The following ICOS variants were observed in gnomAD, a reference collection of about 807,000 sequenced individuals.
ICOS encodes inducible T cell costimulator.
A neutral mutation model predicts 24.6 loss-of-function variants in ICOS; 15 were observed. The observed-to-expected ratio is 0.61, with a 90% CI of 0.41 to 0.94. ICOS has a LOEUF of 0.94. ICOS is among the 40% of genes least tolerant of loss of function. The probability of loss-of-function intolerance (pLI) is 0.00; values close to 1 mark genes in which losing one functional copy is unlikely to be tolerated. For synonymous variants in ICOS, 89 were observed against 77.5 expected, an observed-to-expected ratio of 1.15 and a Z score of -0.78; for missense variants, 200 against 233.0, an observed-to-expected ratio of 0.86 and a Z score of 0.92.
At chr2:203,946,693 G>A (rs1689875775) in intron 1 of ICOS, among the ~76,000 whole-genome samples, 1 of 152,084 alleles carries the variant, frequency 6.6e-6, no homozygotes, top group African/African-American at 2.4e-5. Context: ...GAATTTCTTA[G>A]TAAAACATCA....
At chr2:203,945,530 C>T (rs577289817) in intron 1 of ICOS, among the ~76,000 whole-genome samples, 13 of 152,210 alleles carry the variant, frequency 8.5e-5, no homozygotes, top group African/African-American at 1.2e-4. Flanking sequence ...AGCGTACTGA[C>T]GCAATGATGT....
intron 1 of ICOS, among the ~76,000 whole-genome samples, chr2:203,942,918 C>G (rs1251315815): frequency 6.6e-6 from 1 of 152,148 alleles, no homozygotes; most frequent in Non-Finnish European, 1.5e-5. Flanking sequence ...CTCTGAATTT[C>G]TTTCTTCTAG....
At chr2:203,949,451 T>C (rs1193864165) in intron 1 of ICOS, among the ~76,000 whole-genome samples, 1 of 152,224 alleles carries the variant, frequency 6.6e-6, no homozygotes, top group East Asian at 1.9e-4. Context: ...TTCAGTTGTC[T>C]GTATGTACAC....
In ICOS at chr2:203,959,693, T is replaced by A; in HGVS notation, c.*94T>A. The stretch of plus-strand genomic sequence containing the variant: ...CTTATTTCCGGGACCACGGAGAGTC[T>A]GACTTAACTACATACATCTTCTGCT... On this transcript the variant is annotated 3_prime_UTR_variant, in exon 5 of 5. Transcript: ENST00000316386. The A allele has an allele frequency of 9.1e-7, 1 of 1,095,544 alleles. No individual in the cohort carries two copies. Among genetic ancestry groups the A allele is most frequent in the South Asian group, 1.2e-5 (1 of 80,166 alleles). 67.9% of individuals were successfully genotyped at this position (1,095,544 alleles called of 1,614,324 possible).
chr2:203,957,920 T>G, intron 4 of ICOS, 37 bp downstream of exon 4: 1 of 1,300,844 alleles, frequency 7.7e-7, no homozygotes, highest in Non-Finnish European at 1.1e-6. Flanking sequence ...AGGGAAGAGG[T>G]TTCTTCACAG....
chr2:203,940,670 A>C (rs1294216745), intron 1 of ICOS, among the ~76,000 whole-genome samples: 1 of 152,122 alleles, frequency 6.6e-6, no homozygotes, highest in South Asian at 2.1e-4. Flanking sequence ...TTTGTAAAAA[A>C]AAAAAAAACT....
In ICOS at chr2:203,947,763, G is replaced by A. The variant is rs80303378; in HGVS notation, c.59-7873G>A. Among the ~76,000 whole-genome samples, 1,201 of 152,154 alleles carry A rather than the reference G, an allele frequency of 7.9e-3. 5 individuals are homozygous for A. The highest frequency in any genetic ancestry group is 0.037 in the Middle Eastern group (11 of 294). ...TTCCAATAAAAAGTAAACAGATATG[G>A]TAGCAAAACAAAACCTCATGTTTAA... On this transcript the variant is annotated intron_variant, in intron 1 of 4. Transcript: ENST00000316386.
At chr2:203,944,927 T>A (rs1407344737) in intron 1 of ICOS, among the ~76,000 whole-genome samples, 1 of 152,184 alleles carries the variant, frequency 6.6e-6, no homozygotes, top group African/African-American at 2.4e-5. Flanking sequence ...ATATTTTAGT[T>A]CATGGTAACA....
intron 3 of ICOS, among the ~76,000 whole-genome samples, chr2:203,957,119 A>G (rs11571314): frequency 0.29 from 44,603 of 152,002 alleles, 7,151 homozygotes; most frequent in African/African-American, 0.41. Flanking sequence ...ATTATTATGC[A>G]TGGGCTGCGA....
chr2:203,955,912 C>A lies in ICOS; in HGVS notation c.335C>A (p.Ser112Ter). ...GCCAACTATTACTTCTGCAACCTAT[C>A]AATTTTTGATCCTCCTCCTTTTAAA... The part of the protein sequence containing the change: ...SHANYYFCNL[S>*]IFDPPPFKVT... The change falls in exon 2 of 5, where the codon TCA (serine) becomes TAA (stop). Residue 112 changes from serine to a stop codon, truncating the protein, a stop_gained. Transcript: ENST00000316386. LOFTEE classifies it high-confidence loss of function. 1 of 1,613,096 alleles carries A rather than the reference C, an allele frequency of 6.2e-7. No homozygotes were observed. The highest frequency in any genetic ancestry group is 1.1e-5 in the South Asian group (1 of 91,032).
intron 1 of ICOS, among the ~76,000 whole-genome samples, chr2:203,950,329 T>A (rs1202983181): frequency 1.3e-5 from 2 of 152,164 alleles, no homozygotes; most frequent in Non-Finnish European, 2.9e-5. Flanking sequence ...AGACAGCCAA[T>A]CTGGCTGTTT....
chr2:203,939,276 T>C (rs1689721232), intron 1 of ICOS, among the ~76,000 whole-genome samples: 1 of 152,214 alleles, frequency 6.6e-6, no homozygotes, highest in Non-Finnish European at 1.5e-5. Flanking sequence ...TCAATGATTC[T>C]GATCACCTTT....
chr2:203,953,067 A>T (rs1559035206), intron 1 of ICOS, among the ~76,000 whole-genome samples: 1 of 152,192 alleles, frequency 6.6e-6, no homozygotes, highest in Non-Finnish European at 1.5e-5. Context: ...AGGTTTTCTA[A>T]CCATTGAAGT....
chr2:203,939,058 T>C (rs1559031703), intron 1 of ICOS, among the ~76,000 whole-genome samples: 1 of 152,226 alleles, frequency 6.6e-6, no homozygotes, highest in Non-Finnish European at 1.5e-5. Flanking sequence ...CCAATTTACA[T>C]AGGCTTTCTC....
At position 203,961,389 on chromosome 2, in the gene ICOS, C is replaced by A; in HGVS notation, c.*1790C>A. 1 of 173,108 alleles carries A rather than the reference C, an allele frequency of 5.8e-6. No individual in the cohort carries two copies. The highest frequency in any genetic ancestry group is 1.3e-4 in the East Asian group (1 of 7,634). The allele number at this position is 173,108 out of a possible 1,614,324, so 10.7% of individuals were successfully genotyped here. A position where few individuals can be genotyped will look rare whatever the true frequency, so the allele number is the denominator to read the frequency against. ...GGGGAGGAGAACCTTCATGGTGGCC[C>A]ACCTGGCCTGGTTGTCCAAGCTGTG... On this transcript the variant is annotated 3_prime_UTR_variant, in exon 5 of 5. Coordinates refer to ENST00000316386, the MANE Select transcript of ICOS (RefSeq NM_012092.4).
rs750240095 is a variant in ICOS at position 203,956,642 on chromosome 2, C to CT, written c.395-10dup. 5.7e-6 allele frequency: 9 copies of CT among 1,578,590 alleles called. No individual in the cohort carries two copies. The highest frequency in any genetic ancestry group is 1.7e-5 in the Admixed American group (1 of 59,914). ...TCAGCAGAATTTTTCATTAACATAC[C>CT]TTTTTTTCCAATCCAGAATCACAAC... is the stretch of plus-strand genomic sequence containing the variant. On this transcript the variant is annotated splice_polypyrimidine_tract_variant and intron_variant, in intron 2 of 4. Transcript: ENST00000316386.
chr2:203,948,857 G>C (rs1389248658), intron 1 of ICOS, among the ~76,000 whole-genome samples: 1 of 152,136 alleles, frequency 6.6e-6, no homozygotes, highest in Non-Finnish European at 1.5e-5. Flanking sequence ...TAAAAGCCCT[G>C]GGAACCTGCT....
chr2:203,949,354 A>G (rs1689928744), intron 1 of ICOS, among the ~76,000 whole-genome samples: 1 of 152,160 alleles, frequency 6.6e-6, no homozygotes, highest in Non-Finnish European at 1.5e-5. Context: ...GTTGCTAGTG[A>G]CACTTTGACT....
At chr2:203,957,065 A>T (rs1023132298) in intron 3 of ICOS, among the ~76,000 whole-genome samples, 6 of 152,176 alleles carry the variant, frequency 3.9e-5, no homozygotes, top group South Asian at 2.1e-4. Flanking sequence ...AAAGGTCAGG[A>T]GGAAGGTTAA....
Sources: allele counts gnomAD v4.1 joint callset (sites outside exome capture counted in the v4.1 genomes callset), GRCh38; gene constraint gnomAD v4.1.1; transcripts MANE v1.5; gene names NCBI Gene and HGNC (gene_info 2026-07-23, HGNC 2026-07-21).